Variants in JPH3 observed in about 807,000 individuals in gnomAD.
JPH3 encodes the protein junctophilin 3.
In JPH3, 11 loss-of-function variants were observed where a neutral mutation model predicts 59.6. The ratio of observed to expected loss-of-function variants is 0.18; its 90% CI spans 0.12 to 0.31. The LOEUF is 0.31. Among genes scored for constraint, JPH3 ranks in the 10% least tolerant of loss-of-function variants. JPH3 has a pLI of 1.00. For synonymous variants in JPH3, 673 were observed against 483.6 expected, an observed-to-expected ratio of 1.39 and a Z score of -5.14; for missense variants, 1,202 against 1,105.7, an observed-to-expected ratio of 1.09 and a Z score of -1.24.
At chr16:87,606,805 C>G (rs963071259) in intron 1 of JPH3, among the ~76,000 whole-genome samples, 2 of 152,176 alleles carry the variant, frequency 1.3e-5, no homozygotes, top group Non-Finnish European at 2.9e-5. Flanking sequence ...GGACAGGAGA[C>G]TGGTGATCAT....
At chr16:87,615,864 C>G (rs2030937155) in intron 1 of JPH3, among the ~76,000 whole-genome samples, 1 of 152,226 alleles carries the variant, frequency 6.6e-6, no homozygotes, top group Non-Finnish European at 1.5e-5. Context: ...GCCCCGGGCA[C>G]AGCACCCGAC....
At chr16:87,649,130 A>C (rs976969421) in intron 2 of JPH3, among the ~76,000 whole-genome samples, 4 of 151,858 alleles carry the variant, frequency 2.6e-5, no homozygotes, top group African/African-American at 9.7e-5. Flanking sequence ...TCTGCTGCAG[A>C]GAGGGGCGGG....
At chr16:87,638,540 C>G (rs72810152) in intron 1 of JPH3, among the ~76,000 whole-genome samples, 1 of 149,270 alleles carries the variant, frequency 6.7e-6, no homozygotes, top group East Asian at 2.0e-4. Flanking sequence ...CATGAGGGCT[C>G]CTGGCTCCCC....
chr16:87,693,006 GC>G (rs1428763997), intron 4 of JPH3, among the ~76,000 whole-genome samples: 3 of 152,250 alleles, frequency 2.0e-5, no homozygotes, highest in South Asian at 2.1e-4. Context: ...AGTGGGCAGG[GC>G]TGGGCCCTTG....
Position 87,685,850 on chromosome 16 carries a change from G to A in JPH3, c.1285+1584G>A, listed in dbSNP as rs149091041. Among the ~76,000 whole-genome samples, 465 of 152,318 alleles carry A rather than the reference G, an allele frequency of 3.1e-3. 5 individuals carry two copies. The highest frequency in any genetic ancestry group is 0.011 in the African/African-American group (454 of 41,570). On this transcript the variant is annotated intron_variant, in intron 3 of 4. Coordinates refer to ENST00000284262, the MANE Select transcript of JPH3 (RefSeq NM_020655.4). ...CAGGGAACATTGAAGCCTCCATCCT[G>A]TGCCAAATCCCCCAAGAGACGCATC...
At chr16:87,678,647 CA>C (rs1229743551) in intron 2 of JPH3, among the ~76,000 whole-genome samples, 2 of 152,170 alleles carry the variant, frequency 1.3e-5, no homozygotes, top group African/African-American at 4.8e-5. Context: ...GTCTGCCTGG[CA>C]ACTCACTTCC....
At chr16:87,647,707 C>G (rs571462575) in intron 2 of JPH3, among the ~76,000 whole-genome samples, 1 of 152,318 alleles carries the variant, frequency 6.6e-6, no homozygotes, top group South Asian at 2.1e-4. Flanking sequence ...GCTCTGCACA[C>G]CACTCACGGC....
intron 1 of JPH3, among the ~76,000 whole-genome samples, chr16:87,609,469 G>T (rs1341289755): frequency 6.6e-6 from 1 of 152,172 alleles, no homozygotes; most frequent in Non-Finnish European, 1.5e-5. Flanking sequence ...GTTTTGCCAT[G>T]TTGGCCAGGC....
intron 2 of JPH3, among the ~76,000 whole-genome samples, chr16:87,655,969 C>G (rs1056231425): frequency 2.0e-5 from 3 of 152,252 alleles, no homozygotes; most frequent in Admixed American, 1.3e-4. Context: ...GCATAGATGT[C>G]CTGAGTGGGA....
At chr16:87,609,593 A>G (rs1032136606) in intron 1 of JPH3, among the ~76,000 whole-genome samples, 5 of 152,202 alleles carry the variant, frequency 3.3e-5, no homozygotes, top group Non-Finnish European at 7.3e-5. Flanking sequence ...GATGTATAGA[A>G]GTTGCTCTGA....
chr16:87,682,753 A>AG (rs1356441537), intron 2 of JPH3, among the ~76,000 whole-genome samples: 1 of 151,986 alleles, frequency 6.6e-6, no homozygotes, highest in African/African-American at 2.4e-5. Flanking sequence ...GTCTGCTCGG[A>AG]GGGGGGATTT....
Position 87,644,511 on chromosome 16 carries a change from G to A in JPH3, c.636G>A (p.Lys212=), listed in dbSNP as rs1016739912. ...CCGAGATCCTCAAGAGCAAGAAGAA[G>A]GGGCTGTTTCGGCGCTCGCTGCTGA... is the stretch of plus-strand genomic sequence containing the variant. ...SDSEILKSKK[K]GLFRRSLLSG... The change falls in exon 2 of 5, where the codon AAG becomes AAA. Residue 212 remains lysine (K), a synonymous_variant. Transcript: ENST00000284262. 1.2e-6 allele frequency: 2 copies of A among 1,612,952 alleles called. No individual in the cohort carries two copies. The highest frequency in any genetic ancestry group is 2.2e-5 in the East Asian group (1 of 44,824).
chr16:87,616,382 C>T (rs1312590740), intron 1 of JPH3, among the ~76,000 whole-genome samples: 6 of 150,932 alleles, frequency 4.0e-5, no homozygotes, highest in South Asian at 2.1e-4. Flanking sequence ...TACAGGCGCC[C>T]GCCACCACGC....
intron 2 of JPH3, among the ~76,000 whole-genome samples, chr16:87,683,772 A>T (rs1443587760): frequency 2.0e-5 from 3 of 151,904 alleles, no homozygotes; most frequent in Admixed American, 2.0e-4. Flanking sequence ...ACACCCAGCT[A>T]ATTTTGTATT....
At chr16:87,667,815 T>C (rs1219379620) in intron 2 of JPH3, among the ~76,000 whole-genome samples, 1 of 152,164 alleles carries the variant, frequency 6.6e-6, no homozygotes, top group Non-Finnish European at 1.5e-5. Flanking sequence ...TTTGTTTGTT[T>C]TGTTTTGTTT....
At chr16:87,668,063 G>A (rs1005419725) in intron 2 of JPH3, among the ~76,000 whole-genome samples, 14 of 152,294 alleles carry the variant, frequency 9.2e-5, no homozygotes, top group Middle Eastern at 3.4e-3. Flanking sequence ...TGGGGATCCC[G>A]CATCCTCTGA....
intron 1 of JPH3, among the ~76,000 whole-genome samples, chr16:87,631,114 C>G (rs777615142): frequency 6.6e-6 from 1 of 152,144 alleles, no homozygotes; most frequent in African/African-American, 2.4e-5. Flanking sequence ...CTTGAGCAAA[C>G]CTGCCAGATT....
chr16:87,650,172 G>T (rs138066732), intron 2 of JPH3, among the ~76,000 whole-genome samples: 1 of 152,208 alleles, frequency 6.6e-6, no homozygotes. Flanking sequence ...TGCTCACATC[G>T]TGTGTCCGTG....
chr16:87,608,539 GC>G (rs2030612941), intron 1 of JPH3, among the ~76,000 whole-genome samples: 1 of 152,194 alleles, frequency 6.6e-6, no homozygotes, highest in Non-Finnish European at 1.5e-5. Flanking sequence ...TGAGTAAGGT[GC>G]TGTCTTCCAA....
Sources: gnomAD v4.1 joint callset for allele counts (sites outside exome capture counted in the v4.1 genomes callset) on GRCh38, gnomAD v4.1.1 for gene constraint, MANE v1.5 for transcripts, NCBI Gene and HGNC (gene_info 2026-07-23, HGNC 2026-07-21) for gene names.